ZNF469: variants seen among roughly 807,000 people sequenced by gnomAD.
ZNF469 encodes the protein zinc finger protein 469.
Under a neutral mutation model 1.0 loss-of-function variants are expected in ZNF469, and 1 was observed. The ratio of observed to expected loss-of-function variants is 1.00; its 90% CI spans 0.35 to 4.73. The LOEUF is 4.73. Among genes scored for constraint, ZNF469 ranks in the 30% most tolerant of loss-of-function variants. The probability of loss-of-function intolerance (pLI) is 0.16; values close to 1 mark genes in which losing one functional copy is unlikely to be tolerated. For missense variants in ZNF469, 6,100 were observed against 5,356.3 expected (o/e 1.14, Z -4.33); for synonymous variants, 2,703 against 2,363.4 (o/e 1.14, Z -4.17).
In ZNF469 at chr16:88,435,322, G is replaced by A. The variant is rs1235881445; in HGVS notation, c.7852G>A (p.Glu2618Lys). Residue 2618 changes from glutamate to lysine, a missense_variant, in exon 3 of 3, where the codon GAG (glutamate) becomes AAG (lysine). Coordinates refer to ENST00000565624, the MANE Select transcript of ZNF469 (RefSeq NM_001367624.2). ...EKREGRRWRR[E>K]PTVDSPSHSE... Reference sequence around the variant, plus strand: ...AAGAGAAGGCCGGAGGTGGCGCCGAGAGCCCACCGTGGACTCTCCTAGCCA... The same window carrying A: ...AAGAGAAGGCCGGAGGTGGCGCCGAAAGCCCACCGTGGACTCTCCTAGCCA... 5 of 1,550,362 alleles carry A rather than the reference G, an allele frequency of 3.2e-6. No homozygotes were observed. The highest frequency in any genetic ancestry group is 3.5e-6 in the Non-Finnish European group (4 of 1,146,984).
Position 88,432,534 on chromosome 16 carries a change from G to C in ZNF469, c.5064G>C (p.Arg1688Ser). 6.5e-7 allele frequency: 1 copy of C among 1,550,358 alleles called. No individual in the cohort carries two copies. The highest frequency in any genetic ancestry group is 2.4e-5 in the East Asian group (1 of 40,910). The change falls in exon 3 of 3, where the codon AGG (arginine) becomes AGC (serine). Residue 1688 changes from arginine to serine, a missense_variant. Arg to Ser is a moderately radical substitution (Grantham distance 110). Coordinates refer to ENST00000565624, the MANE Select transcript of ZNF469 (RefSeq NM_001367624.2). ...DLVSGAPFSP[R>S]GANFHFQPVQ... ...TTTCTGGGGCTCCTTTCAGCCCCAG[G>C]GGAGCCAACTTCCATTTTCAGCCAG...
chr16:88,285,739 G>C, the ZNF469 span, among the ~76,000 whole-genome samples: 1 of 152,264 alleles, frequency 6.6e-6, no homozygotes, highest in Non-Finnish European at 1.5e-5. Context: ...CCCTCTCTGA[G>C]TGGTGGGCAG....
In ZNF469 at chr16:88,429,206, C is replaced by G; in HGVS notation, c.1736C>G (p.Pro579Arg). 6.5e-7 allele frequency: 1 copy of G among 1,549,890 alleles called. No individual in the cohort carries two copies. Among genetic ancestry groups the G allele is most frequent in the South Asian group, 1.2e-5 (1 of 84,056 alleles). The change falls in exon 3 of 3, where the codon CCC (proline) becomes CGC (arginine). Residue 579 changes from proline (P) to arginine (R), a missense_variant. By Grantham distance (103) the Pro-to-Arg change is moderately radical. Coordinates refer to ENST00000565624, the MANE Select transcript of ZNF469 (RefSeq NM_001367624.2). ...QVSPHGTPSL[P>R]PPRVVGASPS... is the part of the protein sequence containing the mutation. ...TCACCCCACGGGACACCCAGCCTGC[C>G]CCCACCGAGGGTAGTGGGAGCCTCC...
At chr16:88,240,812 GA>G in the ZNF469 span, among the ~76,000 whole-genome samples, 1 of 152,190 alleles carries the variant, frequency 6.6e-6, no homozygotes, top group Non-Finnish European at 1.5e-5. Context: ...CCTTGTGATG[GA>G]AAAGTCCTTC....
At chr16:88,318,826 G>A in the ZNF469 span, among the ~76,000 whole-genome samples, 2 of 152,238 alleles carry the variant, frequency 1.3e-5, no homozygotes, top group African/African-American at 4.8e-5. Context: ...CGCGTGCAAG[G>A]GGGAGAAGCC....
chr16:88,429,831 C>T lies in ZNF469; in HGVS notation c.2361C>T (p.His787=). ...CCCCCAGAGTCCCTGCCGACGCACA[C>T]GCGGGCTTGCTCAGCCACGCGAAGA... is the stretch of plus-strand genomic sequence containing the variant. ...PAAPRVPADA[H]AGLLSHAKTF... Residue 787 remains histidine, a synonymous_variant, in exon 3 of 3, where the codon CAC becomes CAT. Coordinates refer to ENST00000565624, the MANE Select transcript of ZNF469 (RefSeq NM_001367624.2). 10 of 1,547,510 alleles carry T rather than the reference C, an allele frequency of 6.5e-6. No homozygotes were observed. Among genetic ancestry groups the T allele is most frequent in the Middle Eastern group, 1.7e-4 (1 of 5,984 alleles).
At chr16:88,255,977 A>C in the ZNF469 span, among the ~76,000 whole-genome samples, 1 of 152,306 alleles carries the variant, frequency 6.6e-6, no homozygotes, top group African/African-American at 2.4e-5. Context: ...GACATTAGCC[A>C]TTAGGCTGAT....
chr16:88,315,212 G>A, the ZNF469 span, among the ~76,000 whole-genome samples: 1 of 152,244 alleles, frequency 6.6e-6, no homozygotes, highest in East Asian at 1.9e-4. Flanking sequence ...GTGCGGCTTG[G>A]TTTTCCTCAC....
the ZNF469 span, among the ~76,000 whole-genome samples, chr16:88,275,649 T>A: frequency 6.6e-6 from 1 of 152,208 alleles, no homozygotes; most frequent in Non-Finnish European, 1.5e-5. Context: ...AAGACCAGGC[T>A]GGTGTCCAGG....
the ZNF469 span, among the ~76,000 whole-genome samples, chr16:88,197,985 T>C: frequency 6.6e-6 from 1 of 152,316 alleles, no homozygotes; most frequent in South Asian, 2.1e-4. Flanking sequence ...TGTCCCTGAG[T>C]CCAGCCCACA....
chr16:88,219,463 C>T, the ZNF469 span, among the ~76,000 whole-genome samples: 23 of 141,768 alleles, frequency 1.6e-4, no homozygotes, highest in Admixed American at 4.3e-4. Flanking sequence ...GAAATAACGC[C>T]GCATATCTAC....
chr16:88,116,951 G>T, the ZNF469 span, among the ~76,000 whole-genome samples: 1 of 46,026 alleles, frequency 2.2e-5, no homozygotes, highest in African/African-American at 6.4e-5. Context: ...TGAAGTGCAT[G>T]CGTGCACACA....
the ZNF469 span, among the ~76,000 whole-genome samples, chr16:88,350,318 C>G: frequency 6.6e-6 from 1 of 152,258 alleles, no homozygotes; most frequent in Non-Finnish European, 1.5e-5. Context: ...ACGCAGGGAC[C>G]TGGATGGTGC....
chr16:88,388,020 G>A (rs896993919), intron 1 of ZNF469, among the ~76,000 whole-genome samples: 13 of 152,388 alleles, frequency 8.5e-5, no homozygotes, highest in African/African-American at 2.4e-4. Flanking sequence ...TCCCAGCCTC[G>A]GTTTGCGTTA....
the ZNF469 span, among the ~76,000 whole-genome samples, chr16:88,372,668 C>T: frequency 1.3e-5 from 2 of 151,184 alleles, no homozygotes; most frequent in Admixed American, 1.3e-4. Context: ...CCATCTTCAC[C>T]ATCATCACCA....
At chr16:88,377,671 C>G in the ZNF469 span, among the ~76,000 whole-genome samples, 1 of 152,064 alleles carries the variant, frequency 6.6e-6, no homozygotes, top group East Asian at 1.9e-4. Flanking sequence ...CATCCTCCCT[C>G]CTCTATCTCC....
chr16:88,249,429 C>CTTTTTTTTTTTTTTTTTTTTTTTTTTTTT, the ZNF469 span, among the ~76,000 whole-genome samples: 4 of 63,640 alleles, frequency 6.3e-5, no homozygotes, highest in African/African-American at 3.4e-4. Flanking sequence ...TTTTCTTTTT[C>CTTTTTTTTTTTTTTTTTTTTTTTTTTTTT]TTTTTTTTTT....
upstream of ZNF469, among the ~76,000 whole-genome samples, chr16:88,380,516 CACACACGCACTA>C (rs553227700): frequency 0.091 from 12,758 of 140,852 alleles, 783 homozygotes; most frequent in Middle Eastern, 0.13. Context: ...CAGACATGCA[CACACACGCACTA>C]ACACACACGC....
the ZNF469 span, among the ~76,000 whole-genome samples, chr16:88,239,703 ATATATATATATATTTTTTTTTTTT>A: frequency 4.3e-3 from 27 of 6,320 alleles, 4 homozygotes; most frequent in African/African-American, 0.019. Flanking sequence ...ATATATATAT[ATATATATATATATTTTTTTTTTTT>A]TTTTTTTTTT....
Sources: gnomAD v4.1 joint callset for allele counts (sites outside exome capture counted in the v4.1 genomes callset) on GRCh38, gnomAD v4.1.1 for gene constraint, MANE v1.5 for transcripts, NCBI Gene and HGNC (gene_info 2026-07-23, HGNC 2026-07-21) for gene names.